The following DRC8 variants were observed in gnomAD, a reference collection of about 807,000 sequenced individuals.
DRC8 encodes the protein dynein regulatory complex subunit 8, also known as dynein regulatory complex protein 8.
chr1:245,033,620 T>C, the DRC8 span, among the ~76,000 whole-genome samples: 1 of 152,214 alleles, frequency 6.6e-6, no homozygotes, highest in Non-Finnish European at 1.5e-5. Context: ...CTCCGTCCCA[T>C]CCTGTTCAAA....
the DRC8 span, among the ~76,000 whole-genome samples, chr1:245,022,681 A>G: frequency 2.0e-5 from 3 of 152,106 alleles, no homozygotes; most frequent in South Asian, 6.2e-4. Context: ...GAGATTCTCC[A>G]TGCAAATATG....
the DRC8 span, among the ~76,000 whole-genome samples, chr1:244,984,850 C>CAAAAA: frequency 7.2e-6 from 1 of 138,988 alleles, no homozygotes. Flanking sequence ...ACCCCCCCTT[C>CAAAAA]AAAAAAAAAA....
the DRC8 span, among the ~76,000 whole-genome samples, chr1:245,044,838 C>T: frequency 6.6e-6 from 1 of 151,786 alleles, no homozygotes; most frequent in African/African-American, 2.4e-5. Flanking sequence ...CCTCGGTACC[C>T]CCTCCCCCGA....
chr1:244,975,632 G>A, the DRC8 span, among the ~76,000 whole-genome samples: 2 of 152,228 alleles, frequency 1.3e-5, no homozygotes, highest in African/African-American at 2.4e-5. Flanking sequence ...GCCCAGGCAG[G>A]TGGATCACTT....
chr1:244,980,080 G>A, the DRC8 span, among the ~76,000 whole-genome samples: 9 of 89,798 alleles, frequency 1.0e-4, no homozygotes, highest in East Asian at 3.6e-3. Context: ...TTAGCTGGGC[G>A]TGGTGGCAGG....
At chr1:245,055,906 G>A in the DRC8 span, among the ~76,000 whole-genome samples, 2 of 151,916 alleles carry the variant, frequency 1.3e-5, no homozygotes, top group African/African-American at 4.8e-5. Context: ...ATTACGAAAT[G>A]TTTTTAGAGA....
chr1:244,970,568 C>T, the DRC8 span: 1 of 1,314,350 alleles, frequency 7.6e-7, no homozygotes, highest in Non-Finnish European at 1.0e-6. Context: ...GAAAGGGCGG[C>T]CTGAGGAGGG....
At chr1:244,989,559 A>G in the DRC8 span, among the ~76,000 whole-genome samples, 27 of 152,170 alleles carry the variant, frequency 1.8e-4, no homozygotes, top group Admixed American at 1.7e-3. Context: ...GTTATGTACT[A>G]TTAATATCAA....
the DRC8 span, among the ~76,000 whole-genome samples, chr1:245,065,297 C>A: frequency 6.6e-6 from 1 of 151,964 alleles, no homozygotes; most frequent in African/African-American, 2.4e-5. Context: ...AAGTGATCTG[C>A]CCGCCTCGGC....
the DRC8 span, among the ~76,000 whole-genome samples, chr1:244,997,573 C>T: frequency 3.6e-4 from 47 of 128,892 alleles, no homozygotes; most frequent in African/African-American, 8.0e-4. Flanking sequence ...GACGGAGTTT[C>T]GCTCTTGTTG....
the DRC8 span, among the ~76,000 whole-genome samples, chr1:245,034,951 G>A: frequency 6.6e-6 from 1 of 151,348 alleles, no homozygotes; most frequent in Non-Finnish European, 1.5e-5. Flanking sequence ...TAACTTGGGA[G>A]ACAGAATGAT....
At chr1:245,014,089 G>T in the DRC8 span, among the ~76,000 whole-genome samples, 1 of 150,060 alleles carries the variant, frequency 6.7e-6, no homozygotes, top group African/African-American at 2.4e-5. Context: ...AGTTAACTCT[G>T]GGTAGAATTT....
the DRC8 span, among the ~76,000 whole-genome samples, chr1:244,999,719 A>G: frequency 6.6e-6 from 1 of 152,234 alleles, no homozygotes; most frequent in Admixed American, 6.5e-5. Context: ...CAAGACCCCC[A>G]GTGGATGCCT....
chr1:245,095,933 T>G, the DRC8 span, among the ~76,000 whole-genome samples: 1 of 152,344 alleles, frequency 6.6e-6, no homozygotes, highest in African/African-American at 2.4e-5. Flanking sequence ...CCTCAGCATA[T>G]TTTTGCTTTT....
the DRC8 span, among the ~76,000 whole-genome samples, chr1:245,046,336 G>T: frequency 1.3e-5 from 2 of 151,818 alleles, no homozygotes; most frequent in Non-Finnish European, 2.9e-5. Context: ...GACAGACCTC[G>T]ATCTCTTTCT....
the DRC8 span, among the ~76,000 whole-genome samples, chr1:245,106,912 C>T: frequency 1.3e-5 from 2 of 152,168 alleles, no homozygotes; most frequent in South Asian, 2.1e-4. Flanking sequence ...GGTGTGGTGG[C>T]GGGTGCCTGT....
chr1:245,105,634 A>AC, the DRC8 span, among the ~76,000 whole-genome samples: 8 of 151,082 alleles, frequency 5.3e-5, no homozygotes, highest in South Asian at 2.1e-4. Context: ...AAAAAAAAAA[A>AC]AAAACAAAAA....
At chr1:244,994,379 C>T in the DRC8 span, among the ~76,000 whole-genome samples, 1 of 152,184 alleles carries the variant, frequency 6.6e-6, no homozygotes, top group African/African-American at 2.4e-5. Flanking sequence ...TTGAGATAAG[C>T]TGTTCTCTGT....
At chr1:245,107,114 AG>A in the DRC8 span, 3 of 152,298 alleles carry the variant, frequency 2.0e-5, no homozygotes, top group Non-Finnish European at 2.9e-5. Flanking sequence ...ATTTCCAAAC[AG>A]TTGTAATCCG....
Sources: allele counts gnomAD v4.1 joint callset (sites outside exome capture counted in the v4.1 genomes callset), GRCh38; gene constraint gnomAD v4.1.1; transcripts MANE v1.5; gene names NCBI Gene and HGNC (gene_info 2026-07-23, HGNC 2026-07-21).